Variants in FGF14 observed in about 807,000 individuals in gnomAD.
FGF14 encodes fibroblast growth factor homologous factor 4.
A neutral mutation model predicts 25.5 loss-of-function variants in FGF14; 5 were observed. The ratio of observed to expected loss-of-function variants is 0.20; its 90% CI spans 0.10 to 0.41. The LOEUF is 0.41. Among genes scored for constraint, FGF14 ranks in the 10% least tolerant of loss-of-function variants. FGF14 has a pLI of 1.00. For synonymous variants in FGF14, 138 were observed against 118.3 expected, an observed-to-expected ratio of 1.17 and a Z score of -1.08; for missense variants, 222 against 320.1, an observed-to-expected ratio of 0.69 and a Z score of 2.34.
At chr13:101,823,314 ACT>A (rs954275708) in intron 3 of FGF14, among the ~76,000 whole-genome samples, 30 of 147,816 alleles carry the variant, frequency 2.0e-4, no homozygotes, top group East Asian at 9.9e-4. Flanking sequence ...CTATTATTCT[ACT>A]CTCTCTCTCT....
At chr13:101,822,869 C>G (rs908734291) in intron 3 of FGF14, among the ~76,000 whole-genome samples, 1 of 152,152 alleles carries the variant, frequency 6.6e-6, no homozygotes, top group Non-Finnish European at 1.5e-5. Context: ...ACTAATCTCT[C>G]TTCATCCTTC....
At chr13:101,770,118 G>A (rs9557735) in intron 3 of FGF14, among the ~76,000 whole-genome samples, 23,107 of 124,136 alleles carry the variant, frequency 0.19, 2,211 homozygotes, top group Non-Finnish European at 0.28. Context: ...TAAGAGTGCT[G>A]TAAAAACATA....
chr13:101,886,866 A>G (rs952900706), intron 1 of FGF14, among the ~76,000 whole-genome samples: 2 of 152,156 alleles, frequency 1.3e-5, no homozygotes, highest in African/African-American at 4.8e-5. Flanking sequence ...AACAAACCCC[A>G]TTTAAAAATG....
chr13:102,161,935 T>C (rs1026250389), intron 1 of FGF14, among the ~76,000 whole-genome samples: 1 of 152,052 alleles, frequency 6.6e-6, no homozygotes, highest in Non-Finnish European at 1.5e-5. Flanking sequence ...CTTTTTTTTA[T>C]CCTAAAGGTA....
intron 3 of FGF14, among the ~76,000 whole-genome samples, chr13:101,800,454 A>G (rs947112341): frequency 1.3e-5 from 2 of 152,202 alleles, no homozygotes; most frequent in African/African-American, 4.8e-5. Flanking sequence ...ATAAACATGA[A>G]GTGTGTCAAA....
intron 1 of FGF14, among the ~76,000 whole-genome samples, chr13:102,383,227 AT>A (rs199822527): frequency 0.024 from 3,641 of 152,220 alleles, 153 homozygotes; most frequent in African/African-American, 0.082. Context: ...TTACATAAAA[AT>A]ATGTTATAAA....
intron 1 of FGF14, among the ~76,000 whole-genome samples, chr13:102,303,550 T>C (rs906871355): frequency 6.6e-6 from 1 of 152,212 alleles, no homozygotes; most frequent in Non-Finnish European, 1.5e-5. Flanking sequence ...TATTGGGTGT[T>C]TGCCATCTAT....
intron 1 of FGF14, among the ~76,000 whole-genome samples, chr13:101,998,479 A>T (rs2039307872): frequency 6.6e-6 from 1 of 152,208 alleles, no homozygotes. Flanking sequence ...ATAGCTATCA[A>T]ATAGGACTAT....
chr13:102,364,187 G>A (rs916354944), intron 1 of FGF14, among the ~76,000 whole-genome samples: 8 of 152,242 alleles, frequency 5.3e-5, no homozygotes, highest in Non-Finnish European at 1.2e-4. Context: ...GTGCACATCT[G>A]TAATAATGCA....
At chr13:102,123,525 GAA>G (rs2045822810) in intron 1 of FGF14, among the ~76,000 whole-genome samples, 1 of 152,076 alleles carries the variant, frequency 6.6e-6, no homozygotes, top group Admixed American at 6.6e-5. Flanking sequence ...GGACAAAAAA[GAA>G]ATAGTACTAA....
chr13:101,756,087 T>C (rs1390095040), intron 3 of FGF14, among the ~76,000 whole-genome samples: 1 of 152,202 alleles, frequency 6.6e-6, no homozygotes, highest in Non-Finnish European at 1.5e-5. Flanking sequence ...GGCTGAATTT[T>C]CTTGGAAGAA....
chr13:101,942,825 G>A (rs1209366867), intron 1 of FGF14, among the ~76,000 whole-genome samples: 1 of 152,170 alleles, frequency 6.6e-6, no homozygotes, highest in Non-Finnish European at 1.5e-5. Context: ...ATCAGGTAAG[G>A]TGTTAATTGT....
At chr13:102,287,160 A>G (rs1304769143) in intron 1 of FGF14, among the ~76,000 whole-genome samples, 1 of 152,206 alleles carries the variant, frequency 6.6e-6, no homozygotes, top group Non-Finnish European at 1.5e-5. Context: ...ACAAAACAGT[A>G]TTTCAGAGAA....
chr13:101,799,969 T>C (rs2040776873), intron 3 of FGF14, among the ~76,000 whole-genome samples: 1 of 152,128 alleles, frequency 6.6e-6, no homozygotes, highest in Admixed American at 6.6e-5. Context: ...GACAAATGAA[T>C]TGCCTTTTAA....
At chr13:102,391,869 C>A (rs867944990) in intron 1 of FGF14, among the ~76,000 whole-genome samples, 5 of 152,192 alleles carry the variant, frequency 3.3e-5, no homozygotes, top group South Asian at 2.1e-4. Context: ...TTAAAAGTTA[C>A]AACACCTGGT....
chr13:101,958,928 C>T (rs1387682249), intron 1 of FGF14, among the ~76,000 whole-genome samples: 5 of 152,192 alleles, frequency 3.3e-5, no homozygotes, highest in Non-Finnish European at 7.3e-5. Context: ...AGTCACTCCT[C>T]CCTATGGATA....
intron 1 of FGF14, among the ~76,000 whole-genome samples, chr13:102,050,156 G>A (rs1364527499): frequency 1.3e-5 from 2 of 152,224 alleles, no homozygotes; most frequent in African/African-American, 2.4e-5. Flanking sequence ...TTTCAAGGCT[G>A]AGTGGATGAT....
intron 1 of FGF14, among the ~76,000 whole-genome samples, chr13:102,118,395 G>C (rs112805220): frequency 8.7e-6 from 1 of 115,290 alleles, no homozygotes; most frequent in African/African-American, 3.5e-5. Context: ...CTTTGACAAC[G>C]GACCAAGAAA....
intron 1 of FGF14, among the ~76,000 whole-genome samples, chr13:102,236,631 C>G (rs1468022183): frequency 1.3e-5 from 2 of 152,104 alleles, no homozygotes; most frequent in African/African-American, 4.8e-5. Flanking sequence ...TTTCCCTCCC[C>G]CAGGACTGTG....
Sources: gnomAD v4.1 joint callset for allele counts (sites outside exome capture counted in the v4.1 genomes callset) on GRCh38, gnomAD v4.1.1 for gene constraint, MANE v1.5 for transcripts, NCBI Gene and HGNC (gene_info 2026-07-23, HGNC 2026-07-21) for gene names.